The following PARD3B variants were observed in gnomAD, a reference collection of about 807,000 sequenced individuals.
PARD3B encodes partitioning defective 3 homolog B.
A neutral mutation model predicts 130.2 loss-of-function variants in PARD3B; 103 were observed. The ratio of observed to expected loss-of-function variants is 0.79; its 90% CI spans 0.67 to 0.93. The LOEUF is 0.93. PARD3B is among the 40% of genes least tolerant of loss of function. PARD3B has a pLI of 0.00. For synonymous variants in PARD3B, 583 were observed against 553.2 expected, an observed-to-expected ratio of 1.05 and a Z score of -0.76; for missense variants, 1,609 against 1,499.2, an observed-to-expected ratio of 1.07 and a Z score of -1.21.
chr2:205,002,630 C>A (rs1321757592), intron 3 of PARD3B, among the ~76,000 whole-genome samples: 1 of 152,138 alleles, frequency 6.6e-6, no homozygotes, highest in South Asian at 2.1e-4. Context: ...GCTCTGATGT[C>A]CTCCTGCCTG....
At chr2:205,172,943 G>A (rs2035257705) in intron 12 of PARD3B, among the ~76,000 whole-genome samples, 1 of 151,692 alleles carries the variant, frequency 6.6e-6, no homozygotes, top group East Asian at 1.9e-4. Context: ...ACTTACACAT[G>A]GAGTCTAAGT....
At chr2:204,989,729 C>G (rs1227930462) in intron 3 of PARD3B, among the ~76,000 whole-genome samples, 1 of 151,888 alleles carries the variant, frequency 6.6e-6, no homozygotes, top group Non-Finnish European at 1.5e-5. Context: ...TTTTTCTGTA[C>G]CTTTTTCTCC....
chr2:204,977,014 G>A (rs1431128298), intron 3 of PARD3B, among the ~76,000 whole-genome samples: 1 of 152,004 alleles, frequency 6.6e-6, no homozygotes, highest in Non-Finnish European at 1.5e-5. Context: ...TTAGATTCTG[G>A]TTGTCTTATG....
chr2:205,097,830 CGTGT>C (rs71939970), intron 4 of PARD3B, among the ~76,000 whole-genome samples: 6,377 of 150,434 alleles, frequency 0.042, 382 homozygotes, highest in African/African-American at 0.13. Context: ...AATCTAGTGG[CGTGT>C]GTGTGTGTGT....
intron 20 of PARD3B, among the ~76,000 whole-genome samples, chr2:205,486,439 C>T (rs2106305250): frequency 6.6e-6 from 1 of 151,970 alleles, no homozygotes; most frequent in South Asian, 2.1e-4. Context: ...ATGCAATCTG[C>T]ATCAGTCCAT....
At chr2:204,977,061 C>G (rs1692236818) in intron 3 of PARD3B, among the ~76,000 whole-genome samples, 1 of 152,112 alleles carries the variant, frequency 6.6e-6, no homozygotes, top group Non-Finnish European at 1.5e-5. Context: ...TTTGGTTTTT[C>G]TCTCTTCAGA....
chr2:205,393,695 T>C (rs920373500), intron 18 of PARD3B, among the ~76,000 whole-genome samples: 3 of 152,188 alleles, frequency 2.0e-5, no homozygotes, highest in African/African-American at 7.2e-5. Flanking sequence ...AGGATGTAGG[T>C]TGGTGGTAAT....
intron 20 of PARD3B, among the ~76,000 whole-genome samples, chr2:205,459,053 C>G (rs1224686107): frequency 6.6e-6 from 1 of 152,166 alleles, no homozygotes; most frequent in East Asian, 1.9e-4. Context: ...TCCTATCTTC[C>G]CATCCCTGTG....
At chr2:204,711,146 A>T (rs1359430677) in intron 2 of PARD3B, among the ~76,000 whole-genome samples, 3 of 152,218 alleles carry the variant, frequency 2.0e-5, no homozygotes, top group Admixed American at 1.3e-4. Context: ...ATTAAATTAT[A>T]GCATATTTTG....
rs539229378 is a variant in PARD3B, at chr2:205,158,362, T to C, written c.1435-360T>C. 6.6e-6 allele frequency among the ~76,000 whole-genome samples: 1 copy of C among 152,338 alleles called. No individual in the cohort carries two copies. The highest frequency in any genetic ancestry group is 1.5e-5 in the Non-Finnish European group (1 of 68,026). On this transcript the variant is annotated intron_variant, in intron 10 of 22. Coordinates refer to ENST00000406610, the MANE Select transcript of PARD3B (RefSeq NM_001302769.2). The surrounding 1 kb of genome is among the most constrained non-coding windows in gnomAD (Gnocchi z 5.4). Reference sequence around the variant, plus strand: ...AAGACTCCATTATCTCTAAGATCTCTTCTGATACCCAGGGCACCCTAAGTC... The same window carrying C: ...AAGACTCCATTATCTCTAAGATCTCCTCTGATACCCAGGGCACCCTAAGTC...
intron 11 of PARD3B, among the ~76,000 whole-genome samples, chr2:205,161,592 A>C (rs1424643345): frequency 6.6e-6 from 1 of 152,166 alleles, no homozygotes; most frequent in Non-Finnish European, 1.5e-5. Flanking sequence ...ATTGCCACCC[A>C]TTCTATGATT....
At chr2:204,657,347 A>G (rs998685605) in intron 1 of PARD3B, among the ~76,000 whole-genome samples, 2 of 152,166 alleles carry the variant, frequency 1.3e-5, no homozygotes, top group African/African-American at 2.4e-5. Context: ...CATCTCTACC[A>G]AAAGAAAACA....
intron 21 of PARD3B, among the ~76,000 whole-genome samples, chr2:205,527,105 C>A (rs2051371973): frequency 6.6e-6 from 1 of 152,112 alleles, no homozygotes; most frequent in Admixed American, 6.5e-5. Flanking sequence ...ATGAAAGTTA[C>A]CTTGAACAAA....
At chr2:204,647,794 T>G (rs1280391351) in intron 1 of PARD3B, among the ~76,000 whole-genome samples, 1 of 151,732 alleles carries the variant, frequency 6.6e-6, no homozygotes, top group Non-Finnish European at 1.5e-5. Flanking sequence ...ACAATATGAT[T>G]TAAAAGCTGC....
intron 4 of PARD3B, among the ~76,000 whole-genome samples, chr2:205,049,771 G>C (rs1057462499): frequency 6.6e-6 from 1 of 152,102 alleles, no homozygotes; most frequent in Non-Finnish European, 1.5e-5. Context: ...AAATGCTGGC[G>C]CCCAAAATCC....
intron 4 of PARD3B, among the ~76,000 whole-genome samples, chr2:205,062,818 G>A (rs903756885): frequency 6.6e-6 from 1 of 152,052 alleles, no homozygotes; most frequent in African/African-American, 2.4e-5. Flanking sequence ...AATTTATTCA[G>A]CATGAAATTT....
chr2:205,369,448 A>C (rs537999673), intron 18 of PARD3B, among the ~76,000 whole-genome samples: 1 of 152,198 alleles, frequency 6.6e-6, no homozygotes, highest in South Asian at 2.1e-4. Flanking sequence ...CACACAGCTC[A>C]CCTCCACACG....
intron 3 of PARD3B, among the ~76,000 whole-genome samples, chr2:205,003,905 T>A (rs940779641): frequency 6.6e-6 from 1 of 152,232 alleles, no homozygotes; most frequent in African/African-American, 2.4e-5. Flanking sequence ...TTTTGGGGTC[T>A]TCCAAGGTAT....
At chr2:204,849,025 A>G (rs1159317213) in intron 2 of PARD3B, among the ~76,000 whole-genome samples, 1 of 152,126 alleles carries the variant, frequency 6.6e-6, no homozygotes, top group East Asian at 1.9e-4. Context: ...TGATTGTATC[A>G]TTCTATTTCT....
Sources: gnomAD v4.1 joint callset for allele counts (sites outside exome capture counted in the v4.1 genomes callset) on GRCh38, gnomAD v4.1.1 for gene constraint, Gnocchi (gnomAD v3.1) non-coding constraint, MANE v1.5 for transcripts, NCBI Gene and HGNC (gene_info 2026-07-23, HGNC 2026-07-21) for gene names.